The following KANSL1 variants were observed in gnomAD, a reference collection of about 807,000 sequenced individuals.
The protein encoded by KANSL1 is KAT8 regulatory NSL complex subunit 1.
Under a neutral mutation model 103.6 loss-of-function variants are expected in KANSL1, and 22 were observed. That is an observed-to-expected ratio of 0.21 (90% CI 0.15 to 0.30). KANSL1 has a LOEUF of 0.30. Among genes scored for constraint, KANSL1 ranks in the 10% least tolerant of loss-of-function variants. The probability of loss-of-function intolerance (pLI) is 1.00; values close to 1 mark genes in which losing one functional copy is unlikely to be tolerated. For synonymous variants in KANSL1, 600 were observed against 527.6 expected (o/e 1.14, Z -1.88); for missense variants, 1,337 against 1,399.8 (o/e 0.96, Z 0.72).
intron 1 of KANSL1, among the ~76,000 whole-genome samples, chr17:46,183,523 G>A (rs1256946862): frequency 6.6e-6 from 1 of 151,980 alleles, no homozygotes; most frequent in Non-Finnish European, 1.5e-5. Flanking sequence ...CTGGGTTACA[G>A]AGCAAGATTC....
chr17:46,180,393 G>A (rs1169797228), intron 1 of KANSL1, among the ~76,000 whole-genome samples: 1 of 152,024 alleles, frequency 6.6e-6, no homozygotes, highest in Admixed American at 6.5e-5. Context: ...AGCTGCTCGG[G>A]AAGCTGTGGT....
At chr17:46,133,099 G>A (rs2147288268) in intron 2 of KANSL1, among the ~76,000 whole-genome samples, 1 of 152,332 alleles carries the variant, frequency 6.6e-6, no homozygotes, top group South Asian at 2.1e-4. Context: ...CAACAGCCCA[G>A]CTGGGCCCCA....
Position 46,067,579 on chromosome 17 carries a change from G to A in KANSL1, c.1622C>T (p.Ala541Val). 6.2e-7 allele frequency: 1 copy of A among 1,604,434 alleles called. No homozygotes were observed. Among genetic ancestry groups the A allele is most frequent in the Non-Finnish European group, 8.5e-7 (1 of 1,171,192 alleles). The stretch of plus-strand genomic sequence containing the variant: ...AATAACTCCATTGACAGGTCTGAGT[G>A]CTCCACATGATTTGGTAGACAGTGA... ...SESLSTKSCG[A>V]LRPVNGVINT... The change falls in exon 5 of 15, where the codon GCA becomes GTA. Residue 541 changes from alanine (A) to valine (V), a missense_variant. This residue lies in a region of KANSL1 where 780 missense variants were observed against 923.4 expected (regional missense o/e 0.84). Transcript: ENST00000432791.
intron 2 of KANSL1, among the ~76,000 whole-genome samples, chr17:46,123,067 T>C (rs895521078): frequency 7.2e-5 from 11 of 152,210 alleles, no homozygotes; most frequent in Admixed American, 3.9e-4. Flanking sequence ...TCTGGTAAAA[T>C]AGCTGAAAGA....
chr17:46,167,772 A>C (rs1278472600), intron 2 of KANSL1, among the ~76,000 whole-genome samples: 4 of 152,270 alleles, frequency 2.6e-5, no homozygotes, highest in Non-Finnish European at 4.4e-5. Context: ...CTAAACATTC[A>C]ACAACATAGA....
intron 1 of KANSL1, among the ~76,000 whole-genome samples, chr17:46,203,588 T>TA (rs1316466324): frequency 6.6e-6 from 1 of 152,238 alleles, no homozygotes; most frequent in African/African-American, 2.4e-5. Flanking sequence ...TACTCATTGA[T>TA]ACGTTAAATG....
chr17:46,034,498 C>T (rs2077094637), intron 10 of KANSL1: 2 of 489,030 alleles, frequency 4.1e-6, no homozygotes, highest in East Asian at 4.0e-5. Context: ...AGGAGTTAGT[C>T]CCATTCATAA....
chr17:46,035,020 T>G (rs2077107169), intron 10 of KANSL1: 1 of 152,160 alleles, frequency 6.6e-6, no homozygotes, highest in African/African-American at 2.4e-5. Flanking sequence ...CTTGGAAAAA[T>G]AAGACTTCCA....
intron 1 of KANSL1, among the ~76,000 whole-genome samples, chr17:46,176,904 G>A (rs2046548346): frequency 6.6e-6 from 1 of 152,042 alleles, no homozygotes; most frequent in Non-Finnish European, 1.5e-5. Flanking sequence ...GCAGAGAACA[G>A]GAAAAAGTGA....
At chr17:46,031,941 C>A in intron 14 of KANSL1, 106 bp downstream of exon 14, 1 of 1,518,510 alleles carries the variant, frequency 6.6e-7, no homozygotes, top group Non-Finnish European at 9.0e-7. Flanking sequence ...CCCTTTGTCC[C>A]TTCAAAAGGG....
chr17:46,148,498 T>C (rs897614522), intron 2 of KANSL1, among the ~76,000 whole-genome samples: 1 of 152,176 alleles, frequency 6.6e-6, no homozygotes, highest in Non-Finnish European at 1.5e-5. Flanking sequence ...GAACTAATTA[T>C]TTAACATAAG....
intron 8 of KANSL1, 130 bp from the exon 9 acceptor site, chr17:46,039,345 C>T (rs946085954): frequency 1.2e-6 from 1 of 832,050 alleles, no homozygotes; most frequent in Non-Finnish European, 1.8e-6. Context: ...TCCTTCAGGA[C>T]TGAAGTTTCT....
intron 1 of KANSL1, among the ~76,000 whole-genome samples, chr17:46,217,596 A>G (rs1016827102): frequency 6.6e-6 from 1 of 151,954 alleles, no homozygotes; most frequent in African/African-American, 2.4e-5. Flanking sequence ...ACAAAGAAAT[A>G]CACACAGGGA....
At chr17:46,212,741 C>G (rs12103780) in intron 1 of KANSL1, among the ~76,000 whole-genome samples, 1 of 152,102 alleles carries the variant, frequency 6.6e-6, no homozygotes, top group Non-Finnish European at 1.5e-5. Flanking sequence ...AATTAAAGAA[C>G]GTTTTTAATT....
chr17:46,062,321 T>C (rs929385792), intron 6 of KANSL1, among the ~76,000 whole-genome samples: 10 of 151,452 alleles, frequency 6.6e-5, no homozygotes, highest in Admixed American at 4.0e-4. Context: ...GTTTTAGTCA[T>C]TGATTTTAAG....
chr17:46,036,858 C>T (rs2077165886), intron 10 of KANSL1, among the ~76,000 whole-genome samples: 1 of 152,110 alleles, frequency 6.6e-6, no homozygotes, highest in Admixed American at 6.5e-5. Flanking sequence ...ACTATAGGCA[C>T]ATGCCACCAC....
intron 1 of KANSL1, among the ~76,000 whole-genome samples, chr17:46,179,111 T>C (rs886130917): frequency 6.6e-6 from 1 of 152,242 alleles, no homozygotes; most frequent in Admixed American, 6.5e-5. Flanking sequence ...TAGATGCTAG[T>C]AGTGCCCTTC....
At position 46,156,333 on chromosome 17, in the gene KANSL1, C is replaced by G. The variant is rs62060861; in HGVS notation, c.1289+14522G>C. 2.0e-5 allele frequency among the ~76,000 whole-genome samples: 3 copies of G among 151,914 alleles called. No homozygotes were observed. The South Asian group carries it at 6.2e-4, about 32-fold the overall frequency. Reference sequence around the variant, plus strand: ...CTGTACTCCAGCCTGGGCGACAGACCGAGATTCTGTCTCAAAAAAACATTA... The same window carrying G: ...CTGTACTCCAGCCTGGGCGACAGACGGAGATTCTGTCTCAAAAAAACATTA... On this transcript the variant is annotated intron_variant, in intron 2 of 14. Coordinates refer to ENST00000432791, the MANE Select transcript of KANSL1 (RefSeq NM_015443.4).
chr17:46,099,196 C>T (rs1260319631), intron 2 of KANSL1, among the ~76,000 whole-genome samples: 1 of 144,436 alleles, frequency 6.9e-6, no homozygotes, highest in Non-Finnish European at 1.6e-5. Flanking sequence ...TGATGGCGGG[C>T]GCCTGTAGTC....
Sources: gnomAD v4.1 joint callset for allele counts (sites outside exome capture counted in the v4.1 genomes callset) on GRCh38, gnomAD v4.1.1 for gene constraint, gnomAD v4.1.1 regional missense constraint, MANE v1.5 for transcripts, NCBI Gene and HGNC (gene_info 2026-07-23, HGNC 2026-07-21) for gene names.